The following RAB3C variants were observed in gnomAD, a reference collection of about 807,000 sequenced individuals.
RAB3C encodes ras-related protein Rab-3C.
RAB3C carries 17 observed loss-of-function variants against 26.4 expected under a neutral mutation model. The observed-to-expected ratio is 0.64, with a 90% CI of 0.44 to 0.97. The LOEUF is 0.97. RAB3C is among the 50% of genes least tolerant of loss of function. The probability of loss-of-function intolerance (pLI) is 0.00; values close to 1 mark genes in which losing one functional copy is unlikely to be tolerated. For synonymous variants in RAB3C, 91 were observed against 95.9 expected, an observed-to-expected ratio of 0.95 and a Z score of 0.30; for missense variants, 242 against 281.9, an observed-to-expected ratio of 0.86 and a Z score of 1.01.
chr5:58,849,001 A>T (rs1167335210), intron 4 of RAB3C, among the ~76,000 whole-genome samples: 1 of 152,200 alleles, frequency 6.6e-6, no homozygotes, highest in African/African-American at 2.4e-5. Context: ...AGCTGAGATC[A>T]TGTTGGCTTC....
intron 2 of RAB3C, among the ~76,000 whole-genome samples, chr5:58,641,799 G>T (rs556946757): frequency 2.0e-5 from 3 of 152,170 alleles, no homozygotes; most frequent in Non-Finnish European, 2.9e-5. Flanking sequence ...CACCTAAGCC[G>T]CTGTCTCCAA....
At chr5:58,760,869 A>AT (rs1486866905) in intron 3 of RAB3C, among the ~76,000 whole-genome samples, 3 of 152,212 alleles carry the variant, frequency 2.0e-5, no homozygotes, top group African/African-American at 7.2e-5. Context: ...AGGAGGTCAA[A>AT]TGATTAGCAC....
intron 3 of RAB3C, among the ~76,000 whole-genome samples, chr5:58,817,373 A>T (rs1357683288): frequency 6.6e-6 from 1 of 152,074 alleles, no homozygotes; most frequent in Non-Finnish European, 1.5e-5. Flanking sequence ...ATCTTTTTAA[A>T]TTTTTCCTTT....
At chr5:58,603,679 C>T (rs192729947) in intron 1 of RAB3C, among the ~76,000 whole-genome samples, 1 of 152,224 alleles carries the variant, frequency 6.6e-6, no homozygotes, top group East Asian at 1.9e-4. Flanking sequence ...TTTATTTAAG[C>T]TATTTCCTTG....
chr5:58,736,001 T>G (rs1741125701), intron 3 of RAB3C, among the ~76,000 whole-genome samples: 1 of 152,182 alleles, frequency 6.6e-6, no homozygotes, highest in African/African-American at 2.4e-5. Context: ...AGCCAGGGGC[T>G]TCTCTGGGGT....
intron 1 of RAB3C, among the ~76,000 whole-genome samples, chr5:58,587,134 A>T (rs954904959): frequency 2.6e-5 from 4 of 152,208 alleles, no homozygotes; most frequent in African/African-American, 9.6e-5. Flanking sequence ...GGATAGCAAG[A>T]AAACTTAACC....
intron 2 of RAB3C, among the ~76,000 whole-genome samples, chr5:58,695,603 C>A (rs1748680990): frequency 6.6e-6 from 1 of 152,114 alleles, no homozygotes; most frequent in South Asian, 2.1e-4. Flanking sequence ...TTTCGTTGAG[C>A]AGTGGTTTGT....
chr5:58,608,314 G>T (rs1052598303), intron 1 of RAB3C, among the ~76,000 whole-genome samples: 1 of 152,022 alleles, frequency 6.6e-6, no homozygotes, highest in Non-Finnish European at 1.5e-5. Flanking sequence ...AATCTACAAA[G>T]AATCTACAAA....
At chr5:58,734,736 T>G (rs1363667090) in intron 3 of RAB3C, among the ~76,000 whole-genome samples, 2 of 152,200 alleles carry the variant, frequency 1.3e-5, no homozygotes, top group Non-Finnish European at 2.9e-5. Flanking sequence ...TCTTAACTTC[T>G]CATTTTCTCA....
chr5:58,620,856 T>A (rs1252486294), intron 2 of RAB3C, among the ~76,000 whole-genome samples: 1 of 152,190 alleles, frequency 6.6e-6, no homozygotes, highest in Non-Finnish European at 1.5e-5. Flanking sequence ...AGAGTTCACA[T>A]TGAAGGCATG....
rs760955269 is a variant in RAB3C at position 58,858,640 on chromosome 5, A to C, written c.*7289A>C. Reference sequence around the variant, plus strand: ...GGTAGTGAGGAGATTGTGCCAGGAAAATAAGTGGGAAAGGCCACAGTTATG... The same window carrying C: ...GGTAGTGAGGAGATTGTGCCAGGAACATAAGTGGGAAAGGCCACAGTTATG... On this transcript the variant is annotated 3_prime_UTR_variant, in exon 5 of 5. Coordinates refer to ENST00000282878, the MANE Select transcript of RAB3C (RefSeq NM_138453.4). The C allele has an allele frequency of 8.5e-5, 13 of 152,180 alleles. No individual in the cohort carries two copies. The highest frequency in any genetic ancestry group is 1.8e-4 in the Non-Finnish European group (12 of 68,030). 9.4% of individuals were successfully genotyped at this position (152,180 alleles called of 1,614,324 possible). A position where few individuals can be genotyped will look rare whatever the true frequency, so the allele number is the denominator to read the frequency against.
intron 4 of RAB3C, among the ~76,000 whole-genome samples, chr5:58,837,168 G>T (rs556245374): frequency 6.6e-6 from 1 of 152,012 alleles, no homozygotes; most frequent in South Asian, 2.1e-4. Flanking sequence ...ACATTCACTG[G>T]CCATTTTTAT....
chr5:58,801,383 A>G (rs1418047751), intron 3 of RAB3C, among the ~76,000 whole-genome samples: 1 of 152,218 alleles, frequency 6.6e-6, no homozygotes, highest in Non-Finnish European at 1.5e-5. Flanking sequence ...AGGGTGAAGC[A>G]TGAGGCACTA....
chr5:58,743,511 G>C (rs978261248), intron 3 of RAB3C, among the ~76,000 whole-genome samples: 6 of 152,082 alleles, frequency 3.9e-5, no homozygotes, highest in African/African-American at 1.4e-4. Context: ...CCATCATCTA[G>C]GTTTTAAGCC....
chr5:58,826,948 T>C (rs1178010715), intron 4 of RAB3C, among the ~76,000 whole-genome samples: 1 of 152,212 alleles, frequency 6.6e-6, no homozygotes, highest in Admixed American at 6.5e-5. Flanking sequence ...ATGAGCTTAA[T>C]GAGTTCCTTA....
chr5:58,646,259 A>C (rs1009235771), intron 2 of RAB3C, among the ~76,000 whole-genome samples: 1 of 152,182 alleles, frequency 6.6e-6, no homozygotes, highest in Non-Finnish European at 1.5e-5. Flanking sequence ...AACTGACACA[A>C]ACAGCTTCTA....
At chr5:58,690,940 CATAAG>C (rs1748558414) in intron 2 of RAB3C, among the ~76,000 whole-genome samples, 1 of 152,010 alleles carries the variant, frequency 6.6e-6, no homozygotes, top group South Asian at 2.1e-4. Flanking sequence ...AGCAATTGAT[CATAAG>C]ATAAGAGGCT....
chr5:58,727,302 CA>C (rs1740912340), intron 3 of RAB3C, among the ~76,000 whole-genome samples: 1 of 151,524 alleles, frequency 6.6e-6, no homozygotes, highest in African/African-American at 2.4e-5. Flanking sequence ...AGTTACAATG[CA>C]AGAAATAATA....
intron 2 of RAB3C, among the ~76,000 whole-genome samples, chr5:58,623,595 A>C (rs578004845): frequency 1.3e-5 from 2 of 152,348 alleles, no homozygotes; most frequent in South Asian, 4.1e-4. Flanking sequence ...AAATGTCAAG[A>C]TGCCTGAAAA....
Sources: allele counts gnomAD v4.1 joint callset (sites outside exome capture counted in the v4.1 genomes callset), GRCh38; gene constraint gnomAD v4.1.1; transcripts MANE v1.5; gene names NCBI Gene and HGNC (gene_info 2026-07-23, HGNC 2026-07-21).